DLG2: variants seen among roughly 807,000 people sequenced by gnomAD.
DLG2 encodes discs large MAGUK scaffold protein 2, also known as disks large homolog 2.
A neutral mutation model predicts 132.5 loss-of-function variants in DLG2; 45 were observed. The observed-to-expected ratio is 0.34, with a 90% confidence interval of 0.27 to 0.44. The LOEUF is 0.44. DLG2 is among the 20% of genes least tolerant of loss of function. The pLI is 1.00. For synonymous variants in DLG2, 424 were observed against 419.6 expected (o/e 1.01, Z -0.13); for missense variants, 1,045 against 1,196.9 (o/e 0.87, Z 1.87).
chr11:85,505,401 A>G (rs1024755692), intron 3 of DLG2, among the ~76,000 whole-genome samples: 1 of 152,156 alleles, frequency 6.6e-6, no homozygotes, highest in African/African-American at 2.4e-5. Flanking sequence ...TCCCATCAAT[A>G]TCTAGTTTAT....
intron 19 of DLG2, chr11:83,631,407 C>T (rs2063538242): frequency 1.3e-5 from 2 of 151,878 alleles, no homozygotes; most frequent in South Asian, 4.1e-4. Flanking sequence ...ACAGAGATTT[C>T]ATTTGGGGAC....
chr11:84,283,220 G>A (rs113695051), intron 7 of DLG2, among the ~76,000 whole-genome samples: 3 of 152,114 alleles, frequency 2.0e-5, no homozygotes, highest in Non-Finnish European at 4.4e-5. Context: ...TTCCCACATG[G>A]CATCCCCATG....
intron 9 of DLG2, among the ~76,000 whole-genome samples, chr11:84,150,129 A>C (rs1377348469): frequency 2.0e-5 from 3 of 152,144 alleles, no homozygotes; most frequent in African/African-American, 7.2e-5. Flanking sequence ...AATGGTATTG[A>C]ATTTGTAAAC....
intron 14 of DLG2, among the ~76,000 whole-genome samples, chr11:83,959,098 A>G (rs2087755298): frequency 6.6e-6 from 1 of 152,278 alleles, no homozygotes; most frequent in South Asian, 2.1e-4. Flanking sequence ...ATAGGGACTC[A>G]GTGAGCATGC....
chr11:84,944,900 A>T (rs1377393663), intron 6 of DLG2, among the ~76,000 whole-genome samples: 3 of 152,032 alleles, frequency 2.0e-5, no homozygotes, highest in Non-Finnish European at 4.4e-5. Flanking sequence ...ATCGTGCCCG[A>T]TCTTGTTAAG....
chr11:84,055,630 A>G (rs2154126156), intron 11 of DLG2, among the ~76,000 whole-genome samples: 1 of 152,188 alleles, frequency 6.6e-6, no homozygotes, highest in Admixed American at 6.6e-5. Context: ...GATGCTCTCG[A>G]GACCCCATTC....
chr11:84,533,938 T>C (rs1214991152), intron 7 of DLG2, among the ~76,000 whole-genome samples: 1 of 63,176 alleles, frequency 1.6e-5, no homozygotes, highest in Admixed American at 1.7e-4. Context: ...AAAAAAAAAA[T>C]CAGAGTAATT....
At chr11:84,858,388 G>A (rs1288524688) in intron 6 of DLG2, among the ~76,000 whole-genome samples, 1 of 151,982 alleles carries the variant, frequency 6.6e-6, no homozygotes, top group East Asian at 1.9e-4. Context: ...TTGAAAGAGT[G>A]GAAATCTGGG....
chr11:83,969,871 C>T (rs2154165398), intron 12 of DLG2, among the ~76,000 whole-genome samples: 1 of 152,014 alleles, frequency 6.6e-6, no homozygotes, highest in African/African-American at 2.4e-5. Flanking sequence ...CCACACCTGG[C>T]CGATAATGAA....
chr11:84,107,014 G>GAGAGAGAGAA (rs776218832), intron 9 of DLG2, among the ~76,000 whole-genome samples: 5 of 10,036 alleles, frequency 5.0e-4, no homozygotes, highest in Admixed American at 3.1e-3. Flanking sequence ...GTGTGTGTGT[G>GAGAGAGAGAA]AGAGAGTTTT....
At chr11:84,775,515 A>T (rs2153897096) in intron 6 of DLG2, among the ~76,000 whole-genome samples, 1 of 152,284 alleles carries the variant, frequency 6.6e-6, no homozygotes, top group East Asian at 1.9e-4. Flanking sequence ...CATGGAATAA[A>T]CTTAAGTGTC....
At chr11:84,847,558 G>A (rs529242885) in intron 6 of DLG2, among the ~76,000 whole-genome samples, 1 of 152,108 alleles carries the variant, frequency 6.6e-6, no homozygotes, top group Non-Finnish European at 1.5e-5. Context: ...GGACTTGCTA[G>A]GTTGGAGAAG....
At chr11:84,667,847 T>C (rs1488707812) in intron 6 of DLG2, among the ~76,000 whole-genome samples, 1 of 152,084 alleles carries the variant, frequency 6.6e-6, no homozygotes, top group Admixed American at 6.6e-5. Context: ...AAATTTATCC[T>C]TGTGTCCCCA....
chr11:84,359,894 T>C (rs1201720861), intron 7 of DLG2, among the ~76,000 whole-genome samples: 4 of 152,014 alleles, frequency 2.6e-5, no homozygotes, highest in Admixed American at 2.6e-4. Flanking sequence ...CATCGAACTC[T>C]GATAATTTAC....
At chr11:83,924,564 C>G (rs2078587919) in intron 15 of DLG2, among the ~76,000 whole-genome samples, 1 of 152,124 alleles carries the variant, frequency 6.6e-6, no homozygotes, top group African/African-American at 2.4e-5. Flanking sequence ...CAGCCCTTCC[C>G]CCATACTGCC....
chr11:85,509,304 A>G (rs1173099414), intron 3 of DLG2, among the ~76,000 whole-genome samples: 1 of 152,096 alleles, frequency 6.6e-6, no homozygotes, highest in Non-Finnish European at 1.5e-5. Flanking sequence ...CAAAAGCTTA[A>G]AATCATACTC....
chr11:85,547,932 T>C (rs531288404), intron 3 of DLG2, among the ~76,000 whole-genome samples: 2 of 152,284 alleles, frequency 1.3e-5, no homozygotes, highest in Admixed American at 1.3e-4. Flanking sequence ...GGTTAGAACA[T>C]GCTCCTTTAA....
chr11:83,860,749 G>A (rs527700011), intron 16 of DLG2, among the ~76,000 whole-genome samples: 3 of 152,126 alleles, frequency 2.0e-5, no homozygotes, highest in Non-Finnish European at 4.4e-5. Context: ...GGAATAATAT[G>A]GCTTCACTGT....
At chr11:85,490,277 C>T (rs1390547439) in intron 3 of DLG2, among the ~76,000 whole-genome samples, 1 of 151,972 alleles carries the variant, frequency 6.6e-6, no homozygotes, top group Non-Finnish European at 1.5e-5. Context: ...AAAAATAATG[C>T]TAACAGGGAA....
Sources: gnomAD v4.1 joint callset for allele counts (sites outside exome capture counted in the v4.1 genomes callset) on GRCh38, gnomAD v4.1.1 for gene constraint, MANE v1.5 for transcripts, NCBI Gene and HGNC (gene_info 2026-07-23, HGNC 2026-07-21) for gene names.